LRRC2: variants seen among roughly 807,000 people sequenced by gnomAD.
LRRC2 encodes leucine-rich repeat-containing protein 2.
A neutral mutation model predicts 40.2 loss-of-function variants in LRRC2; 27 were observed. The ratio of observed to expected loss-of-function variants is 0.67; its 90% CI spans 0.49 to 0.93. The LOEUF (loss-of-function observed/expected upper bound fraction) is 0.93. Ranked by LOEUF, LRRC2 falls within the 40% of genes least tolerant of loss-of-function variation. The pLI, the probability that LRRC2 is intolerant of heterozygous loss-of-function variation, is 0.00. For synonymous variants in LRRC2, 147 were observed against 158.9 expected (o/e 0.92, Z 0.56); for missense variants, 402 against 439.6 (o/e 0.91, Z 0.76).
chr3:46,549,872 G>A (rs180787960), intron 2 of LRRC2, among the ~76,000 whole-genome samples: 24 of 152,354 alleles, frequency 1.6e-4, no homozygotes, highest in African/African-American at 5.3e-4. Context: ...CTAGGTGTGC[G>A]GAGGAAATCA....
At chr3:46,543,627 A>AT (rs71098414) in intron 3 of LRRC2, among the ~76,000 whole-genome samples, 9,243 of 98,120 alleles carry the variant, frequency 0.094, 821 homozygotes, top group African/African-American at 0.22. Flanking sequence ...ATTAATAATA[A>AT]TAATAATAAT....
chr3:46,529,826 A>C, intron 6 of LRRC2, 79 bp downstream of exon 6: 3 of 1,436,624 alleles, frequency 2.1e-6, no homozygotes, highest in Non-Finnish European at 2.9e-6. Flanking sequence ...TTCATGTACT[A>C]TACATGTTTC....
At chr3:46,542,187 A>G (rs1259930520) in intron 3 of LRRC2, among the ~76,000 whole-genome samples, 1 of 152,124 alleles carries the variant, frequency 6.6e-6, no homozygotes, top group Non-Finnish European at 1.5e-5. Context: ...ATAAAGACAC[A>G]TACCCTAAAA....
chr3:46,563,281 G>A (rs1475082549), intron 1 of LRRC2, among the ~76,000 whole-genome samples: 2 of 152,072 alleles, frequency 1.3e-5, no homozygotes, highest in East Asian at 3.9e-4. Context: ...TTTCCAATGA[G>A]AACTAGATCA....
intron 6 of LRRC2, 99 bp downstream of exon 6, chr3:46,529,806 C>T (rs139683119): frequency 1.8e-4 from 222 of 1,260,990 alleles, no homozygotes; most frequent in Non-Finnish European, 1.7e-5. Flanking sequence ...TTAGTTGATT[C>T]CAAAGAACAT....
At chr3:46,555,253 A>T (rs1358508980) in intron 1 of LRRC2, among the ~76,000 whole-genome samples, 4 of 152,128 alleles carry the variant, frequency 2.6e-5, no homozygotes, top group Admixed American at 6.5e-5. Flanking sequence ...CTTATAGTTG[A>T]TGTGAGATTT....
In LRRC2 at chr3:46,515,897, A is replaced by G; in HGVS notation, c.*3117T>C. 1 of 149,544 alleles carries G rather than the reference A, an allele frequency of 6.7e-6. No homozygotes were observed. Among genetic ancestry groups the G allele is most frequent in the East Asian group, 2.0e-4 (1 of 5,124 alleles). The allele number at this position is 149,544 out of a possible 1,614,324, so 9.3% of individuals were successfully genotyped here. On this transcript the variant is annotated 3_prime_UTR_variant, in exon 9 of 9. Transcript: ENST00000395905. ...GTGTTAAAAAGAAAAAAATGTAACT[A>G]TTTAAGATTCAACGAAGGTGATTTC...
At chr3:46,530,409 G>A (rs565341111) in intron 5 of LRRC2, among the ~76,000 whole-genome samples, 46 of 152,146 alleles carry the variant, frequency 3.0e-4, no homozygotes, top group Admixed American at 8.5e-4. Flanking sequence ...GCAAAACCCC[G>A]TCTCTACTAA....
intron 1 of LRRC2, among the ~76,000 whole-genome samples, chr3:46,565,069 CA>C (rs1160764365): frequency 3.9e-5 from 6 of 152,246 alleles, no homozygotes; most frequent in Admixed American, 2.6e-4. Context: ...TCAGTATAGT[CA>C]GCCAAATTCT....
At chr3:46,549,775 C>T (rs2107034179) in intron 2 of LRRC2, among the ~76,000 whole-genome samples, 1 of 152,364 alleles carries the variant, frequency 6.6e-6, no homozygotes, top group Middle Eastern at 3.4e-3. Flanking sequence ...GCATCAGCTA[C>T]AGGTGCTTCC....
intron 1 of LRRC2, among the ~76,000 whole-genome samples, chr3:46,554,388 G>A (rs1009663351): frequency 6.6e-6 from 1 of 152,100 alleles, no homozygotes; most frequent in Non-Finnish European, 1.5e-5. Context: ...GCTCATGCCT[G>A]TAATCCCAGT....
chr3:46,527,183 G>T (rs373742657), intron 7 of LRRC2, among the ~76,000 whole-genome samples: 19 of 152,140 alleles, frequency 1.2e-4, no homozygotes, highest in Non-Finnish European at 2.5e-4. Context: ...CATATGTCCC[G>T]CAACACCATC....
rs755648890 is a variant in LRRC2 at position 46,545,226 on chromosome 3, G to A, written c.153C>T (p.Ala51=). The A allele has an allele frequency of 2.4e-5, 38 of 1,614,026 alleles. No homozygotes were observed. The highest frequency in any genetic ancestry group is 1.2e-4 in the South Asian group (11 of 91,072). ...EKIKEEWNFV[A]ECRRKGIPQA... ...GGGGGATGCCCTTCCTCCTGCATTC[G>A]GCCACAAAGTTCCACTCCTCCTTTA... Residue 51 remains alanine, a synonymous_variant, in exon 3 of 9, where the codon GCC becomes GCT. Coordinates refer to ENST00000395905, the MANE Select transcript of LRRC2 (RefSeq NM_024512.5).
At position 46,545,271 on chromosome 3, in the gene LRRC2, G is replaced by T. The variant is rs1309857185; in HGVS notation, c.126-18C>A. 5 of 1,610,784 alleles carry T rather than the reference G, an allele frequency of 3.1e-6. No individual in the cohort carries two copies. The South Asian group carries it at 5.5e-5, about 18-fold the overall frequency. ...CCTTTATCCTAAAACAGGCAGCAGGGGTCACAGTTACTCTCCTGGGGACTG... is the reference window on the plus strand; with the variant it reads ...CCTTTATCCTAAAACAGGCAGCAGGTGTCACAGTTACTCTCCTGGGGACTG... On this transcript the variant is annotated intron_variant, in intron 2 of 8. Coordinates refer to ENST00000395905, the MANE Select transcript of LRRC2 (RefSeq NM_024512.5).
intron 7 of LRRC2, among the ~76,000 whole-genome samples, chr3:46,522,235 T>C (rs1703976287): frequency 6.6e-6 from 1 of 151,454 alleles, no homozygotes; most frequent in South Asian, 2.1e-4. Flanking sequence ...ATTAGCTGGG[T>C]GTGGTGGCAG....
At chr3:46,541,760 AC>A (rs1704397508) in intron 3 of LRRC2, among the ~76,000 whole-genome samples, 1 of 151,928 alleles carries the variant, frequency 6.6e-6, no homozygotes, top group Non-Finnish European at 1.5e-5. Flanking sequence ...CAGAACCTTG[AC>A]CCCCATCCAT....
rs767848622 is a variant in LRRC2, at chr3:46,527,584, A to C, written c.774-3T>G. On this transcript the variant is annotated splice_region_variant and splice_polypyrimidine_tract_variant and intron_variant, in intron 6 of 8. Transcript: ENST00000395905. ...GAAAGCTCTGCAGCTCCTCTAGCCT[A>C]AGAAGAGGTAAAAACAATCATAGCA... 2.5e-6 allele frequency: 4 copies of C among 1,613,368 alleles called. No individual in the cohort carries two copies. In the South Asian group the frequency reaches 4.4e-5, roughly 18 times the overall value.
At chr3:46,547,299 G>A (rs539590730) in intron 2 of LRRC2, among the ~76,000 whole-genome samples, 44 of 152,168 alleles carry the variant, frequency 2.9e-4, no homozygotes, top group Admixed American at 1.2e-3. Flanking sequence ...AGTGAGCTGC[G>A]CTGGGGAAAA....
intron 1 of LRRC2, among the ~76,000 whole-genome samples, chr3:46,554,099 A>G (rs532611341): frequency 1.3e-5 from 2 of 151,862 alleles, no homozygotes; most frequent in South Asian, 4.2e-4. Flanking sequence ...GGTTCACTGC[A>G]GCCTCAACCT....
Sources: gnomAD v4.1 joint callset for allele counts (sites outside exome capture counted in the v4.1 genomes callset) on GRCh38, gnomAD v4.1.1 for gene constraint, MANE v1.5 for transcripts, NCBI Gene and HGNC (gene_info 2026-07-23, HGNC 2026-07-21) for gene names.